Variants in FTO observed in about 807,000 individuals in gnomAD.
The protein encoded by FTO is FTO alpha-ketoglutarate dependent dioxygenase.
In FTO, 47 loss-of-function variants were observed where a neutral mutation model predicts 63.9. That is an observed-to-expected ratio of 0.74 (90% CI 0.58 to 0.94). The LOEUF is 0.94. Ranked by LOEUF, FTO falls within the 40% of genes least tolerant of loss-of-function variation. FTO has a pLI of 0.00. For missense variants in FTO, 562 were observed against 618.1 expected (o/e 0.91, Z 0.96); for synonymous variants, 207 against 224.4 (o/e 0.92, Z 0.69).
At chr16:53,793,994 A>G (rs1033939200) in intron 1 of FTO, among the ~76,000 whole-genome samples, 3 of 152,242 alleles carry the variant, frequency 2.0e-5, no homozygotes, top group African/African-American at 7.2e-5. Flanking sequence ...CTAACTAACA[A>G]TCAAATAAAT....
intron 7 of FTO, among the ~76,000 whole-genome samples, chr16:53,931,948 T>C (rs2082296189): frequency 6.6e-6 from 1 of 151,992 alleles, no homozygotes; most frequent in South Asian, 2.1e-4. Context: ...AATTCATGAA[T>C]CTAGCATCAG....
chr16:53,941,283 ATTTAC>A (rs1195202448), intron 8 of FTO, among the ~76,000 whole-genome samples: 2 of 152,202 alleles, frequency 1.3e-5, no homozygotes, highest in East Asian at 1.9e-4. Flanking sequence ...CTGTGGAATA[ATTTAC>A]TTTAATGTGG....
intron 2 of FTO, among the ~76,000 whole-genome samples, chr16:53,817,092 T>C (rs1261865396): frequency 1.3e-5 from 2 of 152,250 alleles, no homozygotes; most frequent in Non-Finnish European, 2.9e-5. Flanking sequence ...AGGACCTATC[T>C]TCTTTTAATC....
At chr16:53,968,076 T>A (rs1469421808) in intron 8 of FTO, among the ~76,000 whole-genome samples, 2 of 152,242 alleles carry the variant, frequency 1.3e-5, no homozygotes, top group Non-Finnish European at 2.9e-5. Context: ...ATTCACCATA[T>A]ATACTTGATT....
intron 8 of FTO, among the ~76,000 whole-genome samples, chr16:54,092,808 G>C (rs1327183750): frequency 6.6e-6 from 1 of 152,132 alleles, no homozygotes; most frequent in African/African-American, 2.4e-5. Flanking sequence ...TCTCTCTCTT[G>C]CAGAAGGCTA....
At chr16:54,059,902 T>G (rs193164696) in intron 8 of FTO, among the ~76,000 whole-genome samples, 5 of 104,826 alleles carry the variant, frequency 4.8e-5, no homozygotes, top group African/African-American at 3.4e-4. Context: ...AGTTTTTTTT[T>G]GTTTTTTGTT....
intron 8 of FTO, among the ~76,000 whole-genome samples, chr16:54,088,645 T>C (rs1267667431): frequency 6.6e-6 from 1 of 152,180 alleles, no homozygotes; most frequent in Non-Finnish European, 1.5e-5. Flanking sequence ...GGCAGTGAAT[T>C]AAATGTTTTC....
At chr16:53,935,822 T>C (rs1341267755) in intron 8 of FTO, 1 of 152,234 alleles carries the variant, frequency 6.6e-6, no homozygotes, top group African/African-American at 2.4e-5. Context: ...TTCATTAAAG[T>C]ATACATAGTA....
intron 4 of FTO, among the ~76,000 whole-genome samples, chr16:53,859,587 A>G (rs1014471754): frequency 6.6e-6 from 1 of 150,718 alleles, no homozygotes; most frequent in African/African-American, 2.4e-5. Flanking sequence ...ATAAAACTCA[A>G]TAGCAGGTTA....
intron 8 of FTO, among the ~76,000 whole-genome samples, chr16:54,033,301 C>T (rs1345587455): frequency 6.6e-6 from 1 of 152,086 alleles, no homozygotes; most frequent in Non-Finnish European, 1.5e-5. Flanking sequence ...ATAATACTAG[C>T]AGAATTGGCC....
intron 8 of FTO, among the ~76,000 whole-genome samples, chr16:53,984,687 C>G (rs1404099749): frequency 6.6e-6 from 1 of 152,050 alleles, no homozygotes; most frequent in African/African-American, 2.4e-5. Flanking sequence ...TCCCAGAGCC[C>G]CTAAAGCATC....
intron 8 of FTO, among the ~76,000 whole-genome samples, chr16:53,971,302 TAAGTC>T (rs1369926889): frequency 3.3e-5 from 5 of 152,246 alleles, no homozygotes. Context: ...GGAAGATTAC[TAAGTC>T]AAAAGATATG....
chr16:53,745,919 T>A (rs1376412572), intron 1 of FTO, among the ~76,000 whole-genome samples: 1 of 151,492 alleles, frequency 6.6e-6, no homozygotes, highest in Non-Finnish European at 1.5e-5. Flanking sequence ...CTGGGCAATC[T>A]AAGGATGGTG....
At chr16:53,917,016 C>CA (rs1340594445) in intron 7 of FTO, among the ~76,000 whole-genome samples, 1 of 152,156 alleles carries the variant, frequency 6.6e-6, no homozygotes, top group Non-Finnish European at 1.5e-5. Flanking sequence ...GAAGTCCAGT[C>CA]ACCACTTCTT....
chr16:53,833,538 C>CTT (rs1374155960), intron 3 of FTO, among the ~76,000 whole-genome samples: 3 of 152,184 alleles, frequency 2.0e-5, no homozygotes, highest in Admixed American at 1.3e-4. Context: ...GGAATCTCCG[C>CTT]TTTCAGTACT....
chr16:54,048,568 G>T (rs2085239748), intron 8 of FTO, among the ~76,000 whole-genome samples: 1 of 152,082 alleles, frequency 6.6e-6, no homozygotes, highest in African/African-American at 2.4e-5. Context: ...ATCACTTCAG[G>T]AAAAAGAAAA....
At chr16:53,827,531 C>T (rs1244986219) in intron 3 of FTO, among the ~76,000 whole-genome samples, 2 of 151,986 alleles carry the variant, frequency 1.3e-5, no homozygotes, top group African/African-American at 4.8e-5. Flanking sequence ...TATTTGTTTA[C>T]TAAAATTACT....
Position 53,732,058 on chromosome 16 carries a change from T to A in FTO, c.45+27829T>A, listed in dbSNP as rs1388272494. On this transcript the variant is annotated intron_variant, in intron 1 of 8. Coordinates refer to ENST00000471389, the MANE Select transcript of FTO (RefSeq NM_001080432.3). ...GTGGCCTTATTTTTTTTTTTTTTTT[T>A]TTTTTTTTGAGACGGAGTCTCGCTC... 3.6e-4 allele frequency among the ~76,000 whole-genome samples: 50 copies of A among 140,028 alleles called. 1 individual carries two copies. The highest frequency in any genetic ancestry group is 5.1e-4 in the Non-Finnish European group (33 of 64,808). The allele number at this position is 140,028 out of a possible 152,430, so 91.9% of individuals were successfully genotyped here.
At chr16:53,732,206 G>A (rs1318486006) in intron 1 of FTO, among the ~76,000 whole-genome samples, 1 of 151,534 alleles carries the variant, frequency 6.6e-6, no homozygotes, top group Non-Finnish European at 1.5e-5. Context: ...CCGCCACCAC[G>A]CCCGGCTAAT....
Sources: gnomAD v4.1 joint callset for allele counts (sites outside exome capture counted in the v4.1 genomes callset) on GRCh38, gnomAD v4.1.1 for gene constraint, MANE v1.5 for transcripts, NCBI Gene and HGNC (gene_info 2026-07-23, HGNC 2026-07-21) for gene names.